The following USH2A variants were observed in gnomAD, a reference collection of about 807,000 sequenced individuals.
The protein encoded by USH2A is Usher syndrome 2A (autosomal recessive, mild).
USH2A carries 443 observed loss-of-function variants against 538.9 expected under a neutral mutation model. The ratio of observed to expected loss-of-function variants is 0.82; its 90% CI spans 0.76 to 0.89. The LOEUF (loss-of-function observed/expected upper bound fraction) is 0.89, where lower values mean the gene tolerates loss of function less well. USH2A is among the 40% of genes least tolerant of loss of function. The pLI is 0.00. For synonymous variants in USH2A, 2,413 were observed against 2,273.5 expected, an observed-to-expected ratio of 1.06 and a Z score of -1.75; for missense variants, 6,633 against 6,324.8, an observed-to-expected ratio of 1.05 and a Z score of -1.65.
intron 32 of USH2A, among the ~76,000 whole-genome samples, chr1:216,031,968 T>A (rs1315411184): frequency 6.6e-6 from 1 of 152,220 alleles, no homozygotes; most frequent in Admixed American, 6.5e-5. Context: ...CCACACTGGG[T>A]TGAACCCTTC....
At chr1:216,121,154 A>G (rs1403682297) in intron 21 of USH2A, among the ~76,000 whole-genome samples, 1 of 152,174 alleles carries the variant, frequency 6.6e-6, no homozygotes, top group Non-Finnish European at 1.5e-5. Flanking sequence ...TATTAGTTTC[A>G]AAACAGAAAT....
At chr1:215,947,113 C>T (rs1666779289) in intron 37 of USH2A, among the ~76,000 whole-genome samples, 1 of 151,050 alleles carries the variant, frequency 6.6e-6, no homozygotes, top group Non-Finnish European at 1.5e-5. Context: ...GTGATCTTGG[C>T]TCACTGCAAA....
At position 216,200,129 on chromosome 1, in the gene USH2A, G is replaced by GAA. The variant is rs774403089; in HGVS notation, c.3317-10_3317-9dup. 1 of 1,565,276 alleles carries GAA rather than the reference G, an allele frequency of 6.4e-7. No individual in the cohort carries two copies. The highest frequency in any genetic ancestry group is 8.6e-7 in the Non-Finnish European group (1 of 1,160,894). ...CTAAGAAGTATTGAATACCTGAAAT[G>GAA]AAAAGAAAAAAAAAAAACAAAGTTA... On this transcript the variant is annotated splice_polypyrimidine_tract_variant and intron_variant, in intron 16 of 71. Transcript: ENST00000307340.
intron 32 of USH2A, among the ~76,000 whole-genome samples, chr1:216,016,926 A>ATGATGCTTCTTCATTTCCCTCTTTTCTTT: frequency 6.6e-6 from 1 of 152,002 alleles, no homozygotes; most frequent in Admixed American, 6.6e-5. Context: ...ATAGTGAAGG[A>ATGATGCTTCTTCATTTCCCTCTTTTCTTT]TGATGCTTCT....
chr1:215,656,268 A>T (rs901660301), intron 64 of USH2A, among the ~76,000 whole-genome samples: 1 of 152,202 alleles, frequency 6.6e-6, no homozygotes, highest in African/African-American at 2.4e-5. Flanking sequence ...TAAGTTATTA[A>T]TGTACATTTC....
intron 21 of USH2A, among the ~76,000 whole-genome samples, chr1:216,132,987 T>G (rs1476996786): frequency 1.3e-5 from 2 of 152,140 alleles, no homozygotes; most frequent in African/African-American, 4.8e-5. Context: ...CATCCTCAAA[T>G]TCCCAAAATG....
intron 35 of USH2A, among the ~76,000 whole-genome samples, chr1:215,981,076 A>C (rs1382675050): frequency 1.3e-5 from 2 of 152,132 alleles, no homozygotes; most frequent in African/African-American, 4.8e-5. Context: ...TCATTGTTCT[A>C]TATCCTCAAA....
chr1:215,816,537 A>G (rs1355953342), intron 48 of USH2A, among the ~76,000 whole-genome samples: 1 of 152,076 alleles, frequency 6.6e-6, no homozygotes, highest in Non-Finnish European at 1.5e-5. Context: ...AATAAAAGTC[A>G]TTTACAAACT....
chr1:215,799,251 A>G (rs2102778966), intron 49 of USH2A, 126 bp from the exon 50 acceptor site: 3 of 1,189,078 alleles, frequency 2.5e-6, no homozygotes, highest in Non-Finnish European at 3.6e-6. Flanking sequence ...AGAGAATAAT[A>G]TCATATTGGA....
chr1:215,678,675 C>A (rs1432584438), intron 62 of USH2A, among the ~76,000 whole-genome samples: 1 of 151,908 alleles, frequency 6.6e-6, no homozygotes, highest in East Asian at 1.9e-4. Context: ...TTTTCTGTAC[C>A]CCCACCATTC....
chr1:216,256,189 A>G (rs1488047342), intron 11 of USH2A, among the ~76,000 whole-genome samples: 2 of 151,906 alleles, frequency 1.3e-5, no homozygotes, highest in South Asian at 2.1e-4. Flanking sequence ...TTTTTAACCA[A>G]TCTTCCAATC....
At position 215,647,646 on chromosome 1, in the gene USH2A, C is replaced by A. The variant is rs1177677746; in HGVS notation, c.14667G>T (p.Gly4889=). The change falls in exon 67 of 72, where the codon GGG becomes GGT. Residue 4889 remains glycine, a synonymous_variant. Transcript: ENST00000307340. ...TPSQIETKYT[G]LGQKASLGGL... ...CCCCAAGGCTGGCTTTCTGCCCCAGCCCCGTGTACTTTGTTTCTATTTGGC... is the reference window on the plus strand; with the variant it reads ...CCCCAAGGCTGGCTTTCTGCCCCAGACCCGTGTACTTTGTTTCTATTTGGC... The A allele has an allele frequency of 1.9e-6, 3 of 1,614,176 alleles. No individual in the cohort carries two copies. Among genetic ancestry groups the A allele is most frequent in the Non-Finnish European group, 2.5e-6 (3 of 1,180,038 alleles).
intron 52 of USH2A, among the ~76,000 whole-genome samples, chr1:215,785,348 T>C (rs568507693): frequency 6.6e-6 from 1 of 152,332 alleles, no homozygotes; most frequent in African/African-American, 2.4e-5. Context: ...TTTGGAGCAC[T>C]CTGAAAGGAG....
At position 216,307,159 on chromosome 1, in the gene USH2A, G is replaced by A. The variant is rs145349390; in HGVS notation, c.1644+14724C>T. On this transcript the variant is annotated intron_variant, in intron 9 of 71. Coordinates refer to ENST00000307340, the MANE Select transcript of USH2A (RefSeq NM_206933.4). ...GAGATTATGTCCTTTGTCTGGCTACGAGGGCAGGTAGAGAAAGGCCATCAG... is the reference window on the plus strand; with the variant it reads ...GAGATTATGTCCTTTGTCTGGCTACAAGGGCAGGTAGAGAAAGGCCATCAG... Among the ~76,000 whole-genome samples, 14 of 152,186 alleles carry A rather than the reference G, an allele frequency of 9.2e-5. No individual in the cohort carries two copies. The East Asian group carries it at 1.6e-3, about 17-fold the overall frequency.
chr1:215,800,678 CAT>C (rs1662299493), intron 49 of USH2A, among the ~76,000 whole-genome samples: 1 of 152,030 alleles, frequency 6.6e-6, no homozygotes, highest in African/African-American at 2.4e-5. Flanking sequence ...TTTAATTAAA[CAT>C]AGATATATAA....
chr1:215,627,351 T>TTTTC (rs1265962951), intron 71 of USH2A, among the ~76,000 whole-genome samples: 1 of 151,796 alleles, frequency 6.6e-6, no homozygotes, highest in African/African-American at 2.4e-5. Flanking sequence ...GTTTCTTTTC[T>TTTTC]TTTCTTTCTC....
At chr1:216,229,071 G>A (rs993787180) in intron 14 of USH2A, among the ~76,000 whole-genome samples, 2 of 151,996 alleles carry the variant, frequency 1.3e-5, no homozygotes, top group African/African-American at 4.8e-5. Context: ...CTACTCAGGA[G>A]GCTGAGGCAG....
chr1:215,647,763 G>C (rs374304512), intron 66 of USH2A, 33 bp from the exon 67 acceptor site: 17 of 1,608,170 alleles, frequency 1.1e-5, no homozygotes, highest in Non-Finnish European at 1.4e-5. Context: ...GAGTCAAGAC[G>C]GGTAATGGAA....
intron 38 of USH2A, 79 bp downstream of exon 38, chr1:215,934,537 A>C: frequency 6.9e-7 from 1 of 1,441,648 alleles, no homozygotes; most frequent in Non-Finnish European, 9.6e-7. Context: ...TACCTCTAAA[A>C]ATAAACAAGG....
Sources: gnomAD v4.1 joint callset for allele counts (sites outside exome capture counted in the v4.1 genomes callset) on GRCh38, gnomAD v4.1.1 for gene constraint, MANE v1.5 for transcripts, NCBI Gene and HGNC (gene_info 2026-07-23, HGNC 2026-07-21) for gene names.